Variants in RAD9B observed in about 807,000 individuals in gnomAD.
RAD9B encodes the protein cell cycle checkpoint control protein RAD9B.
A neutral mutation model predicts 48.3 loss-of-function variants in RAD9B; 41 were observed. That is an observed-to-expected ratio of 0.85 (90% confidence interval 0.66 to 1.10). RAD9B has a LOEUF of 1.10. Ranked by LOEUF, RAD9B falls within the 50% of genes least tolerant of loss-of-function variation. The pLI is 0.00. For synonymous variants in RAD9B, 160 were observed against 157.9 expected, an observed-to-expected ratio of 1.01 and a Z score of -0.10; for missense variants, 444 against 485.1, an observed-to-expected ratio of 0.92 and a Z score of 0.80.
At chr12:110,510,448 C>T (rs573827673) in intron 4 of RAD9B, among the ~76,000 whole-genome samples, 2 of 152,254 alleles carry the variant, frequency 1.3e-5, no homozygotes, top group Admixed American at 1.3e-4. Context: ...TAGAATGCAC[C>T]ATAAGTGTTA....
chr12:110,515,925 A>T (rs909276105), intron 6 of RAD9B, among the ~76,000 whole-genome samples: 1 of 152,112 alleles, frequency 6.6e-6, no homozygotes, highest in South Asian at 2.1e-4. Context: ...TACTATTATT[A>T]TCCCCATTTT....
intron 1 of RAD9B, 108 bp downstream of exon 1, chr12:110,502,491 TGA>T (rs1222936674): frequency 1.5e-6 from 2 of 1,302,104 alleles, no homozygotes; most frequent in Non-Finnish European, 2.2e-6. Context: ...GCGCAATGAC[TGA>T]GGACGCACGC....
chr12:110,512,833 T>A lies in RAD9B; in HGVS notation c.443T>A (p.Ile148Asn), dbSNP rs570855214. The A allele has an allele frequency of 1.1e-5, 17 of 1,547,902 alleles. No homozygotes were observed. In the Admixed American group the frequency reaches 3.1e-4, roughly 28 times the overall value. Residue 148 changes from isoleucine (I) to asparagine (N), a missense_variant, in exon 5 of 11, where the codon ATT (isoleucine) becomes AAT (asparagine). Physicochemically the swap from Ile to Asn is moderately radical, Grantham distance 149. Transcript: ENST00000409300. ...CFQESQPLQV[I>N]FDKNVCTNTL... The stretch of plus-strand genomic sequence containing the variant: ...CAAGAAAGTCAGCCTTTGCAAGTTA[T>A]TTTTGACAAGAATGTTTGTACTAAT...
intron 4 of RAD9B, among the ~76,000 whole-genome samples, chr12:110,508,975 A>AT (rs1343941527): frequency 2.7e-5 from 4 of 150,410 alleles, no homozygotes; most frequent in South Asian, 2.1e-4. Flanking sequence ...TTTTATTTTA[A>AT]TTTTTTTAAG....
intron 10 of RAD9B, among the ~76,000 whole-genome samples, 181 bp downstream of exon 10, chr12:110,522,592 T>A (rs529978749): frequency 1.5e-4 from 23 of 152,360 alleles, no homozygotes; most frequent in Admixed American, 9.8e-4. Context: ...GAGAAAAGTC[T>A]GATTTACAGA....
At chr12:110,511,576 G>GT (rs2063460030) in intron 4 of RAD9B, 1 of 413,246 alleles carries the variant, frequency 2.4e-6, no homozygotes, top group African/African-American at 2.0e-5. Flanking sequence ...GCTGGTAATG[G>GT]TGTGTGGGTG....
chr12:110,509,162 G>T (rs1369783077), intron 4 of RAD9B, among the ~76,000 whole-genome samples: 3 of 151,874 alleles, frequency 2.0e-5, no homozygotes, highest in Admixed American at 6.6e-5. Flanking sequence ...TAGAGACGGG[G>T]TTTCAACGTC....
chr12:110,512,863 T>A lies in RAD9B; in HGVS notation c.473T>A (p.Leu158Gln). The A allele has an allele frequency of 6.5e-7, 1 of 1,536,062 alleles. No individual in the cohort carries two copies. The highest frequency in any genetic ancestry group is 8.9e-7 in the Non-Finnish European group (1 of 1,117,452). The change falls in exon 5 of 11, where the codon CTA becomes CAA. Residue 158 changes from leucine (L) to glutamine (Q), a missense_variant. Leu to Gln is a moderately radical substitution (Grantham distance 113). Coordinates refer to ENST00000409300, the MANE Select transcript of RAD9B (RefSeq NM_001286535.2). ...IFDKNVCTNT[L>Q]MIQPRLLADA... is the part of the protein sequence containing the mutation. ...GACAAGAATGTTTGTACTAATACGC[T>A]AATGATTCAACCAAGGTAATGAGTT...
intron 10 of RAD9B, among the ~76,000 whole-genome samples, chr12:110,525,314 C>T (rs575185530): frequency 1.1e-4 from 16 of 151,686 alleles, no homozygotes; most frequent in Non-Finnish European, 1.8e-4. Flanking sequence ...TTAGTAGAGA[C>T]GGGGTTTCAC....
At chr12:110,520,833 T>C (rs2063764529) in intron 9 of RAD9B, among the ~76,000 whole-genome samples, 1 of 151,464 alleles carries the variant, frequency 6.6e-6, no homozygotes, top group Non-Finnish European at 1.5e-5. Flanking sequence ...GTGTTTTTAG[T>C]AGAGACGGGG....
In RAD9B at chr12:110,503,965, A is replaced by C; in HGVS notation, c.117+89A>C. On this transcript the variant is annotated intron_variant, in intron 2 of 10. Transcript: ENST00000409300. Reference sequence around the variant, plus strand: ...AGATTGAATGTTAACTAGGAAATCCAGAAATTGTAATTATCCCTTTCACTG... The same window carrying C: ...AGATTGAATGTTAACTAGGAAATCCCGAAATTGTAATTATCCCTTTCACTG... The C allele has an allele frequency of 4.2e-6, 3 of 709,688 alleles. No individual in the cohort carries two copies. The South Asian group carries it at 6.5e-5, about 15-fold the overall frequency. The allele number at this position is 709,688 out of a possible 1,614,324, so 44.0% of individuals were successfully genotyped here.
At chr12:110,519,762 G>GT in intron 8 of RAD9B, 32 bp from the exon 9 acceptor site, 6 of 1,581,308 alleles carry the variant, frequency 3.8e-6, no homozygotes, top group Non-Finnish European at 5.1e-6. Context: ...CAGAAAATGA[G>GT]TGTCACTGTT....
At chr12:110,513,724 A>T (rs2063529297) in intron 5 of RAD9B, among the ~76,000 whole-genome samples, 1 of 137,766 alleles carries the variant, frequency 7.3e-6, no homozygotes, top group South Asian at 2.3e-4. Context: ...TATTATTATT[A>T]TTATTATTAT....
intron 9 of RAD9B, among the ~76,000 whole-genome samples, chr12:110,521,479 A>C (rs1181160997): frequency 2.0e-5 from 3 of 151,750 alleles, no homozygotes; most frequent in Non-Finnish European, 4.4e-5. Flanking sequence ...AAACAAGATT[A>C]GGATCATAGA....
rs777404428 is a variant in RAD9B, at chr12:110,522,292, T to C, written c.1006T>C (p.Ser336Pro). ...TCCTAAGGAGACTCTCACAAACATA[T>C]CTGCATTGGAAAACTGTGGCAGCCC... Reference protein sequence around the residue: ...LYPKETLTNISALENCGSPAM... With the variant: ...LYPKETLTNIPALENCGSPAM... The change falls in exon 10 of 11, where the codon TCT becomes CCT. Residue 336 changes from serine (S) to proline (P), a missense_variant. Physicochemically the swap from Ser to Pro is moderately conservative, Grantham distance 74. Transcript: ENST00000409300. The C allele has an allele frequency of 6.2e-7, 1 of 1,613,462 alleles. No individual in the cohort carries two copies. Among genetic ancestry groups the C allele is most frequent in the Non-Finnish European group, 8.5e-7 (1 of 1,179,772 alleles).
intron 4 of RAD9B, among the ~76,000 whole-genome samples, chr12:110,507,105 A>G (rs1372401340): frequency 2.6e-5 from 4 of 151,926 alleles, no homozygotes; most frequent in East Asian, 1.9e-4. Flanking sequence ...CGGCCTCCCA[A>G]AGTGCTGGGA....
intron 5 of RAD9B, 69 bp downstream of exon 5, chr12:110,512,947 C>T: frequency 6.7e-6 from 5 of 744,554 alleles, no homozygotes; most frequent in Non-Finnish European, 9.0e-6. Context: ...AGAATCAATG[C>T]CCTAGAGCTT....
At chr12:110,519,461 G>A (rs1453171923) in intron 8 of RAD9B, among the ~76,000 whole-genome samples, 1 of 147,878 alleles carries the variant, frequency 6.8e-6, no homozygotes, top group East Asian at 2.0e-4. Flanking sequence ...ATGGAGTTTT[G>A]CTTTTGTTGC....
chr12:110,520,993 C>T (rs922585778), intron 9 of RAD9B, among the ~76,000 whole-genome samples: 5 of 151,620 alleles, frequency 3.3e-5, no homozygotes, highest in African/African-American at 1.2e-4. Flanking sequence ...AAGAATGATG[C>T]TTTATTGTAA....
Sources: gnomAD v4.1 joint callset for allele counts (sites outside exome capture counted in the v4.1 genomes callset) on GRCh38, gnomAD v4.1.1 for gene constraint, MANE v1.5 for transcripts, NCBI Gene and HGNC (gene_info 2026-07-23, HGNC 2026-07-21) for gene names.